PRDM16: variants seen among roughly 807,000 people sequenced by gnomAD.
The protein encoded by PRDM16 is histone-lysine N-methyltransferase PRDM16.
A neutral mutation model predicts 110.6 loss-of-function variants in PRDM16; 23 were observed. That is an observed-to-expected ratio of 0.21 (90% confidence interval 0.15 to 0.29). The LOEUF (loss-of-function observed/expected upper bound fraction) is 0.29, where lower values mean the gene tolerates loss of function less well. Among genes scored for constraint, PRDM16 ranks in the 10% least tolerant of loss-of-function variants. The probability of loss-of-function intolerance (pLI) is 1.00; values close to 1 mark genes in which losing one functional copy is unlikely to be tolerated. For missense variants in PRDM16, 1,615 were observed against 1,794.3 expected, an observed-to-expected ratio of 0.90 and a Z score of 1.81; for synonymous variants, 799 against 781.8, an observed-to-expected ratio of 1.02 and a Z score of -0.37.
chr1:3,246,031 G>A lies in PRDM16; in HGVS notation c.438+1894G>A, dbSNP rs528285253. 5.9e-5 allele frequency among the ~76,000 whole-genome samples: 9 copies of A among 152,208 alleles called. No homozygotes were observed. In the South Asian group the frequency reaches 1.7e-3, roughly 28 times the overall value. ...AGGGGTTGCTTGGTCTAGGAACAGGGGTCAAGTCAGAAGGTCAAAAGGTCA... is the reference window on the plus strand; with the variant it reads ...AGGGGTTGCTTGGTCTAGGAACAGGAGTCAAGTCAGAAGGTCAAAAGGTCA... On this transcript the variant is annotated intron_variant, in intron 3 of 16. Coordinates refer to ENST00000270722, the MANE Select transcript of PRDM16 (RefSeq NM_022114.4). The surrounding 1 kb of genome is among the most constrained non-coding windows in gnomAD (Gnocchi z 5.2).
intron 3 of PRDM16, among the ~76,000 whole-genome samples, chr1:3,252,695 G>T (rs558469174): frequency 1.1e-4 from 16 of 152,224 alleles, no homozygotes; most frequent in Admixed American, 3.9e-4. Flanking sequence ...CGTGTTCCAT[G>T]AGACTACTTC....
intron 2 of PRDM16, among the ~76,000 whole-genome samples, chr1:3,232,590 T>TG (rs1482506937): frequency 1.3e-5 from 2 of 152,070 alleles, no homozygotes; most frequent in African/African-American, 2.4e-5. Context: ...CGTGAGTAAG[T>TG]GGGATGCATG....
intron 1 of PRDM16, among the ~76,000 whole-genome samples, chr1:3,151,704 G>A (rs775350744): frequency 5.9e-5 from 9 of 152,230 alleles, no homozygotes; most frequent in Non-Finnish European, 1.3e-4. Context: ...CTGAGTGGCC[G>A]GGCGTGCATT....
At chr1:3,266,973 C>T (rs1640309867) in intron 3 of PRDM16, among the ~76,000 whole-genome samples, 1 of 152,200 alleles carries the variant, frequency 6.6e-6, no homozygotes, top group African/African-American at 2.4e-5. Flanking sequence ...CCACCGCGCC[C>T]GGCCACGTGC....
chr1:3,106,027 G>A (rs927138009), intron 1 of PRDM16, among the ~76,000 whole-genome samples: 2 of 151,542 alleles, frequency 1.3e-5, no homozygotes, highest in African/African-American at 2.4e-5. Flanking sequence ...GCTTCCTGTT[G>A]AAGCTTCCTG....
chr1:3,381,128 C>T (rs1345375391), intron 3 of PRDM16, among the ~76,000 whole-genome samples: 1 of 152,210 alleles, frequency 6.6e-6, no homozygotes, highest in South Asian at 2.1e-4. Context: ...GGCTTCTCGC[C>T]GCGTTCCCCC....
At chr1:3,384,373 TG>T (rs1643159932) in intron 3 of PRDM16, among the ~76,000 whole-genome samples, 1 of 152,100 alleles carries the variant, frequency 6.6e-6, no homozygotes, top group Non-Finnish European at 1.5e-5. Context: ...TGGGGGAGGC[TG>T]GGGGGCCTGC....
chr1:3,392,961 G>A (rs560978012), intron 4 of PRDM16, among the ~76,000 whole-genome samples: 4 of 152,352 alleles, frequency 2.6e-5, no homozygotes, highest in East Asian at 1.9e-4. Context: ...CCTGTGTTTC[G>A]TGTTGTTCAC....
chr1:3,336,452 G>A (rs1452704582), intron 3 of PRDM16, among the ~76,000 whole-genome samples: 1 of 152,166 alleles, frequency 6.6e-6, no homozygotes, highest in Non-Finnish European at 1.5e-5. Context: ...GTGTGTTGGA[G>A]TGAGCCTGTG....
At chr1:3,240,521 G>A (rs532755742) in intron 2 of PRDM16, among the ~76,000 whole-genome samples, 1 of 152,294 alleles carries the variant, frequency 6.6e-6, no homozygotes, top group African/African-American at 2.4e-5. Flanking sequence ...GGAGTGTTGG[G>A]GTCCCTCATG....
At chr1:3,207,912 C>T (rs1031263267) in intron 2 of PRDM16, 4 of 152,304 alleles carry the variant, frequency 2.6e-5, no homozygotes, top group African/African-American at 9.6e-5. Context: ...CCTGGGTCTT[C>T]ATAAAGCAGC....
At chr1:3,117,357 G>C (rs2100654694) in intron 1 of PRDM16, among the ~76,000 whole-genome samples, 1 of 152,318 alleles carries the variant, frequency 6.6e-6, no homozygotes, top group South Asian at 2.1e-4. Context: ...CAGGGATGGG[G>C]CCAATTGGAA....
intron 3 of PRDM16, among the ~76,000 whole-genome samples, chr1:3,316,787 A>G (rs913497181): frequency 3.3e-5 from 5 of 151,336 alleles, no homozygotes; most frequent in Non-Finnish European, 1.5e-5. Context: ...AAACATTGAC[A>G]TGGTGTAACC....
In PRDM16 at chr1:3,243,992, T is replaced by G; in HGVS notation, c.388-95T>G. ...CCACTGGGTCCCACCCTGTGACTTT[T>G]GGGGACAGTGGTTCTGCCCCCACCA... is the stretch of plus-strand genomic sequence containing the variant. On this transcript the variant is annotated intron_variant, in intron 2 of 16. Coordinates refer to ENST00000270722, the MANE Select transcript of PRDM16 (RefSeq NM_022114.4). The surrounding 1 kb of genome is among the most constrained non-coding windows in gnomAD (Gnocchi z 5.5). The G allele has an allele frequency of 1.6e-6, 2 of 1,282,602 alleles. No individual in the cohort carries two copies. The highest frequency in any genetic ancestry group is 1.1e-6 in the Non-Finnish European group (1 of 880,202). 79.5% of individuals were successfully genotyped at this position (1,282,602 alleles called of 1,614,324 possible). A position where few individuals can be genotyped will look rare whatever the true frequency, so the allele number is the denominator to read the frequency against.
intron 3 of PRDM16, among the ~76,000 whole-genome samples, chr1:3,279,662 G>A (rs1476164179): frequency 6.6e-6 from 1 of 152,260 alleles, no homozygotes; most frequent in African/African-American, 2.4e-5. Flanking sequence ...CCGTCAGGGA[G>A]AGTCTGTGCT....
At chr1:3,261,127 G>GAA (rs36004351) in intron 3 of PRDM16, among the ~76,000 whole-genome samples, 5,414 of 139,392 alleles carry the variant, frequency 0.039, 129 homozygotes, top group Middle Eastern at 0.075. Flanking sequence ...GCATTAACAA[G>GAA]AAAAAAAAAA....
At chr1:3,104,473 T>C (rs1043192809) in intron 1 of PRDM16, among the ~76,000 whole-genome samples, 8 of 145,110 alleles carry the variant, frequency 5.5e-5, no homozygotes, top group African/African-American at 1.6e-4. Context: ...GACAGGGTGC[T>C]GAGTCAGCGG....
chr1:3,268,843 G>T (rs567364152), intron 3 of PRDM16, among the ~76,000 whole-genome samples: 1 of 152,186 alleles, frequency 6.6e-6, no homozygotes, highest in Non-Finnish European at 1.5e-5. Flanking sequence ...CTGCCCCACC[G>T]CATGCCTCAG....
rs759077270 is a variant in PRDM16 at position 3,433,723 on chromosome 1, C to A, written c.3743C>A (p.Thr1248Asn). The A allele has an allele frequency of 1.2e-6, 2 of 1,613,904 alleles. No individual in the cohort carries two copies. Among genetic ancestry groups the A allele is most frequent in the Non-Finnish European group, 1.7e-6 (2 of 1,179,938 alleles). ...LSLSEDTPLH[T>N]PSQGSLDAWL... ...CTTTCCGAAGACACTCCTCTCCACA[C>A]CCCCTCCCAGGGTTCTCTGGACGCT... The change falls in exon 17 of 17, where the codon ACC (threonine) becomes AAC (asparagine). Residue 1248 changes from threonine to asparagine, a missense_variant. Physicochemically the swap from Thr to Asn is moderately conservative, Grantham distance 65 (BLOSUM62 0). Transcript: ENST00000270722.
Sources: gnomAD v4.1 joint callset for allele counts (sites outside exome capture counted in the v4.1 genomes callset) on GRCh38, gnomAD v4.1.1 for gene constraint, Gnocchi (gnomAD v3.1) non-coding constraint, MANE v1.5 for transcripts, NCBI Gene and HGNC (gene_info 2026-07-23, HGNC 2026-07-21) for gene names.